The following EYA1 variants were observed in gnomAD, a reference collection of about 807,000 sequenced individuals.
EYA1 encodes the protein protein phosphatase EYA1.
Under a neutral mutation model 82.0 loss-of-function variants are expected in EYA1, and 16 were observed. That is an observed-to-expected ratio of 0.20 (90% CI 0.13 to 0.30). The LOEUF (loss-of-function observed/expected upper bound fraction) is 0.30, where lower values mean the gene tolerates loss of function less well. EYA1 is among the 10% of genes least tolerant of loss of function. The pLI is 1.00. For synonymous variants in EYA1, 261 were observed against 264.4 expected, an observed-to-expected ratio of 0.99 and a Z score of 0.12; for missense variants, 633 against 730.7, an observed-to-expected ratio of 0.87 and a Z score of 1.54.
chr8:71,221,420 C>CA (rs1645265415), intron 12 of EYA1, among the ~76,000 whole-genome samples: 1 of 152,044 alleles, frequency 6.6e-6, no homozygotes, highest in Admixed American at 6.6e-5. Context: ...ACCCCCAAGT[C>CA]ACAGATGTGA....
In EYA1 at chr8:71,317,513, C is replaced by A. The variant is rs780705943; in HGVS notation, c.556+39G>T. The A allele has an allele frequency of 6.2e-6, 10 of 1,609,032 alleles. No homozygotes were observed. In the South Asian group the frequency reaches 7.7e-5, roughly 12 times the overall value. On this transcript the variant is annotated intron_variant, in intron 7 of 17. Transcript: ENST00000340726. ...TCTACTTTAGAAGTTAACTATCAAC[C>A]TACAGGGTTAAGGAAAATAGCAATG...
chr8:71,473,467 C>T (rs180813040), intron 2 of EYA1, among the ~76,000 whole-genome samples: 1 of 152,040 alleles, frequency 6.6e-6, no homozygotes, highest in African/African-American at 2.4e-5. Context: ...CATCACTGGT[C>T]ATTAGAGAAA....
chr8:71,339,134 G>A (rs1824831857), intron 3 of EYA1, among the ~76,000 whole-genome samples: 1 of 151,908 alleles, frequency 6.6e-6, no homozygotes, highest in African/African-American at 2.4e-5. Context: ...CATTCACTTA[G>A]TTGCTATTAC....
chr8:71,442,097 A>G (rs1204447854), intron 2 of EYA1, among the ~76,000 whole-genome samples: 3 of 152,236 alleles, frequency 2.0e-5, no homozygotes, highest in African/African-American at 7.2e-5. Context: ...ATTTTGTTAT[A>G]ATAGTCTAAG....
intron 2 of EYA1, among the ~76,000 whole-genome samples, chr8:71,434,094 T>G (rs1196451651): frequency 6.6e-6 from 1 of 152,176 alleles, no homozygotes; most frequent in East Asian, 1.9e-4. Flanking sequence ...AGAAGCAGAA[T>G]TAAAGATAAC....
chr8:71,431,779 G>A (rs1182060875), intron 2 of EYA1, among the ~76,000 whole-genome samples: 1 of 152,130 alleles, frequency 6.6e-6, no homozygotes, highest in Non-Finnish European at 1.5e-5. Context: ...ATCCTCTAAA[G>A]TCACTCTATA....
chr8:71,290,134 A>AT (rs1818836053), intron 9 of EYA1, among the ~76,000 whole-genome samples: 1 of 152,136 alleles, frequency 6.6e-6, no homozygotes, highest in African/African-American at 2.4e-5. Context: ...ACTTACTATC[A>AT]ACATAGAAAT....
At chr8:71,316,277 A>C (rs1586326900) in intron 7 of EYA1, among the ~76,000 whole-genome samples, 1 of 152,270 alleles carries the variant, frequency 6.6e-6, no homozygotes, top group East Asian at 1.9e-4. Context: ...TCTATACTTA[A>C]ACTTATTCAA....
At chr8:71,274,931 C>CGAGAGCACGAGAGCAAGT (rs1224293368) in intron 9 of EYA1, among the ~76,000 whole-genome samples, 3 of 151,050 alleles carry the variant, frequency 2.0e-5, no homozygotes, top group South Asian at 2.1e-4. Context: ...AGAATGAGAG[C>CGAGAGCACGAGAGCAAGT]GAGTGAACGA....
rs571649249 is a variant in EYA1, at chr8:71,468,841, T to C, written c.33+66903A>G. ...TTTAACATTGCAAATTTAGTACTTA[T>C]CAAATTTTTACATTTATTTTTATAA... is the stretch of plus-strand genomic sequence containing the variant. On this transcript the variant is annotated intron_variant, in intron 2 of 18. Coordinates refer to the EYA1 transcript ENST00000643681. Among the ~76,000 whole-genome samples the C allele has an allele frequency of 7.2e-5, 11 of 152,262 alleles. No homozygotes were observed. In the South Asian group the frequency reaches 8.3e-4, roughly 11 times the overall value.
At chr8:71,321,901 A>G in intron 5 of EYA1, 22 bp from the exon 6 acceptor site, 3 of 1,614,196 alleles carry the variant, frequency 1.9e-6, no homozygotes, top group Non-Finnish European at 2.5e-6. Flanking sequence ...AAATGACAGA[A>G]AATAGAAAGC....
chr8:71,487,125 A>G (rs7846030), intron 2 of EYA1, among the ~76,000 whole-genome samples: 24,976 of 150,390 alleles, frequency 0.17, 2,161 homozygotes, highest in African/African-American at 0.19. Context: ...CCAGGAAACA[A>G]TCTCAGAAAT....
At position 71,356,540 on chromosome 8, in the gene EYA1, A is replaced by C. The variant is rs931021590; in HGVS notation, c.-54-29T>G. On this transcript the variant is annotated intron_variant, in intron 1 of 17. Coordinates refer to ENST00000340726, the MANE Select transcript of EYA1 (RefSeq NM_000503.6). ...TGATCAGGGGTAAAAAAATTAGAAG[A>C]TGTTGTTACTCTGCTTCAGTGTCAG... 13 of 1,554,062 alleles carry C rather than the reference A, an allele frequency of 8.4e-6. 1 individual carries two copies. Among genetic ancestry groups the C allele is most frequent in the East Asian group, 4.8e-5 (2 of 41,628 alleles).
chr8:71,351,057 T>C (rs1172228556), intron 3 of EYA1, among the ~76,000 whole-genome samples: 2 of 152,170 alleles, frequency 1.3e-5, no homozygotes. Flanking sequence ...GATCATCTAA[T>C]AGAAGTATCA....
At chr8:71,210,657 G>A (rs978716702) in intron 17 of EYA1, among the ~76,000 whole-genome samples, 22 of 152,224 alleles carry the variant, frequency 1.4e-4, no homozygotes, top group African/African-American at 5.1e-4. Context: ...CCCCTGCCCT[G>A]AGAGAGACAG....
At chr8:71,501,375 G>T (rs1229057444) in intron 2 of EYA1, among the ~76,000 whole-genome samples, 1 of 152,094 alleles carries the variant, frequency 6.6e-6, no homozygotes, top group African/African-American at 2.4e-5. Context: ...TTTAAAACAT[G>T]GTCATTATTT....
At position 71,528,158 on chromosome 8, in the gene EYA1, C is replaced by A. The variant is rs77388751; in HGVS notation, c.33+7586G>T. Among the ~76,000 whole-genome samples, 814 of 152,278 alleles carry A rather than the reference C, an allele frequency of 5.3e-3. 5 individuals carry two copies. The highest frequency in any genetic ancestry group is 0.018 in the African/African-American group (767 of 41,560). On this transcript the variant is annotated intron_variant, in intron 2 of 18. Transcript: ENST00000643681. ...GTGCCAGATCAGAGGCAGCCAGGGG[C>A]AATGAGTCTCAATGGTTAGGGCCCC...
chr8:71,406,089 C>T (rs1404692428), intron 2 of EYA1, among the ~76,000 whole-genome samples: 2 of 152,132 alleles, frequency 1.3e-5, no homozygotes, highest in South Asian at 2.1e-4. Flanking sequence ...CAAATTGTAT[C>T]CACTACATAT....
At chr8:71,420,447 C>T (rs1831085392) in intron 2 of EYA1, among the ~76,000 whole-genome samples, 1 of 152,016 alleles carries the variant, frequency 6.6e-6, no homozygotes, top group African/African-American at 2.4e-5. Flanking sequence ...GTAACTACAT[C>T]CATAATATTA....
Sources: allele counts gnomAD v4.1 joint callset (sites outside exome capture counted in the v4.1 genomes callset), GRCh38; gene constraint gnomAD v4.1.1; transcripts MANE v1.5; gene names NCBI Gene and HGNC (gene_info 2026-07-23, HGNC 2026-07-21).